CDK14: variants seen among roughly 807,000 people sequenced by gnomAD.
CDK14 encodes cyclin-dependent kinase 14.
CDK14 carries 34 observed loss-of-function variants against 60.7 expected under a neutral mutation model. The observed-to-expected ratio is 0.56, with a 90% CI of 0.43 to 0.75. The LOEUF (loss-of-function observed/expected upper bound fraction) is 0.75. Among genes scored for constraint, CDK14 ranks in the 30% least tolerant of loss-of-function variants. The pLI is 0.00. For synonymous variants in CDK14, 197 were observed against 203.7 expected, an observed-to-expected ratio of 0.97 and a Z score of 0.28; for missense variants, 482 against 564.1, an observed-to-expected ratio of 0.85 and a Z score of 1.47.
At chr7:91,183,637 TTGAA>T (rs2115893353) in intron 14 of CDK14, among the ~76,000 whole-genome samples, 1 of 152,346 alleles carries the variant, frequency 6.6e-6, no homozygotes, top group South Asian at 2.1e-4. Flanking sequence ...CCCTTCTACA[TTGAA>T]TGGTGACACA....
Position 90,913,201 on chromosome 7 carries a change from G to T in CDK14, c.703-4400G>T, listed in dbSNP as rs149076305. On this transcript the variant is annotated intron_variant, in intron 7 of 14. Coordinates refer to ENST00000380050, the MANE Select transcript of CDK14 (RefSeq NM_001287135.2). Reference sequence around the variant, plus strand: ...TTTTCTAAAAAATTTAAATTAGAAAGTTAGGGACTTGCCTATTTGTCTAGA... The same window carrying T: ...TTTTCTAAAAAATTTAAATTAGAAATTTAGGGACTTGCCTATTTGTCTAGA... Among the ~76,000 whole-genome samples the T allele has an allele frequency of 3.8e-3, 586 of 152,280 alleles. 6 individuals carry two copies. The highest frequency in any genetic ancestry group is 0.013 in the African/African-American group (558 of 41,560).
chr7:91,061,989 C>T (rs1469088874), intron 11 of CDK14, among the ~76,000 whole-genome samples: 1 of 152,322 alleles, frequency 6.6e-6, no homozygotes, highest in South Asian at 2.1e-4. Flanking sequence ...CTATGCCATG[C>T]CCCCAGAGGT....
At position 91,210,098 on chromosome 7, in the gene CDK14, A is replaced by C. The variant is rs558234108; in HGVS notation, c.*2962A>C. 2 of 152,658 alleles carry C rather than the reference A, an allele frequency of 1.3e-5. No individual in the cohort carries two copies. Among genetic ancestry groups the C allele is most frequent in the Non-Finnish European group, 2.9e-5 (2 of 68,038 alleles). The allele number at this position is 152,658 out of a possible 1,614,324, so 9.5% of individuals were successfully genotyped here. A position where few individuals can be genotyped will look rare whatever the true frequency, so the allele number is the denominator to read the frequency against. ...GTAGATTATTGCCTGCCCCTTATAC[A>C]TAGGAATATGCTGCATAATTGCGCA... On this transcript the variant is annotated 3_prime_UTR_variant, in exon 15 of 15. Transcript: ENST00000380050.
intron 14 of CDK14, among the ~76,000 whole-genome samples, chr7:91,133,465 A>G (rs923558536): frequency 6.6e-6 from 1 of 152,200 alleles, no homozygotes; most frequent in Non-Finnish European, 1.5e-5. Context: ...AGAGTAGACC[A>G]TTTAAATATT....
At chr7:90,891,090 C>A (rs1178041371) in intron 6 of CDK14, among the ~76,000 whole-genome samples, 6 of 152,098 alleles carry the variant, frequency 3.9e-5, no homozygotes, top group African/African-American at 7.2e-5. Flanking sequence ...ACTGTCATTG[C>A]CATAAAATTT....
chr7:90,697,736 G>T (rs539881497), intron 2 of CDK14, among the ~76,000 whole-genome samples: 12 of 152,136 alleles, frequency 7.9e-5, no homozygotes, highest in African/African-American at 2.6e-4. Context: ...AGTATTAAAA[G>T]AATCAAATAA....
chr7:91,155,398 A>G (rs140412747), intron 14 of CDK14, among the ~76,000 whole-genome samples: 1,797 of 152,284 alleles, frequency 0.012, 37 homozygotes, highest in African/African-American at 0.042. Context: ...TTCTTTGTGT[A>G]TTTCATGATG....
At chr7:90,929,219 G>A (rs1451422838) in intron 8 of CDK14, among the ~76,000 whole-genome samples, 2 of 152,240 alleles carry the variant, frequency 1.3e-5, no homozygotes, top group Non-Finnish European at 2.9e-5. Context: ...TGCACCCAGT[G>A]TCTGACAAGC....
chr7:90,696,336 C>CTTCTTTT (rs772009194), intron 2 of CDK14, among the ~76,000 whole-genome samples: 35 of 125,698 alleles, frequency 2.8e-4, no homozygotes, highest in Non-Finnish European at 3.7e-4. Context: ...ACTTCTTCTT[C>CTTCTTTT]TTTTTTTTTT....
chr7:90,965,305 C>T (rs939120682), intron 9 of CDK14, among the ~76,000 whole-genome samples: 2 of 152,172 alleles, frequency 1.3e-5, no homozygotes, highest in African/African-American at 4.8e-5. Context: ...CTCTCAGCTG[C>T]CATCACTCAC....
intron 5 of CDK14, among the ~76,000 whole-genome samples, chr7:90,853,973 A>G (rs1283549100): frequency 6.6e-6 from 1 of 152,178 alleles, no homozygotes; most frequent in African/African-American, 2.4e-5. Flanking sequence ...AATTTGCTTA[A>G]GAATATGCTG....
intron 9 of CDK14, among the ~76,000 whole-genome samples, chr7:90,963,848 C>T (rs1241630534): frequency 6.6e-6 from 1 of 151,058 alleles, no homozygotes; most frequent in African/African-American, 2.4e-5. Flanking sequence ...CCTGACTAGC[C>T]GGGATTACAG....
At chr7:90,746,275 G>C (rs979159297) in intron 3 of CDK14, among the ~76,000 whole-genome samples, 1 of 152,096 alleles carries the variant, frequency 6.6e-6, no homozygotes, top group Non-Finnish European at 1.5e-5. Context: ...TAACTTTTAA[G>C]TCATGATGGG....
chr7:90,945,581 TGGGAAGAAGCCA>T (rs1423528746), intron 8 of CDK14, among the ~76,000 whole-genome samples: 2 of 152,214 alleles, frequency 1.3e-5, no homozygotes, highest in Non-Finnish European at 2.9e-5. Context: ...CTTGTCCAGC[TGGGAAGAAGCCA>T]GGAGAACAAA....
intron 2 of CDK14, among the ~76,000 whole-genome samples, chr7:90,667,707 C>G (rs1158174507): frequency 6.6e-6 from 1 of 151,980 alleles, no homozygotes; most frequent in East Asian, 1.9e-4. Context: ...GTAGCTGGGA[C>G]TATAGGCGCC....
At chr7:90,630,067 C>T (rs1044888451) in intron 2 of CDK14, among the ~76,000 whole-genome samples, 4 of 74,648 alleles carry the variant, frequency 5.4e-5, no homozygotes, top group Non-Finnish European at 9.8e-5. Context: ...CAAAACAAAA[C>T]AAAACAAAAC....
chr7:90,758,234 C>T (rs1189167687), intron 4 of CDK14, among the ~76,000 whole-genome samples: 2 of 152,156 alleles, frequency 1.3e-5, no homozygotes, highest in East Asian at 3.9e-4. Flanking sequence ...GATTTCTTCT[C>T]TGTCTCTCTC....
At chr7:91,001,305 T>A (rs1424180527) in intron 10 of CDK14, among the ~76,000 whole-genome samples, 3 of 152,102 alleles carry the variant, frequency 2.0e-5, no homozygotes, top group Non-Finnish European at 4.4e-5. Context: ...ACCCCTAAGG[T>A]CTGTGTGTTC....
At chr7:91,034,975 CACAT>C (rs1054112534) in intron 10 of CDK14, among the ~76,000 whole-genome samples, 7 of 151,462 alleles carry the variant, frequency 4.6e-5, no homozygotes, top group Admixed American at 6.6e-5. Context: ...CACACACACA[CACAT>C]TGATAGCTTA....
Sources: allele counts gnomAD v4.1 joint callset (sites outside exome capture counted in the v4.1 genomes callset), GRCh38; gene constraint gnomAD v4.1.1; transcripts MANE v1.5; gene names NCBI Gene and HGNC (gene_info 2026-07-23, HGNC 2026-07-21).